The following STXBP5L variants were observed in gnomAD, a reference collection of about 807,000 sequenced individuals.
STXBP5L encodes syntaxin-binding protein 5-like.
In STXBP5L, 65 loss-of-function variants were observed where a neutral mutation model predicts 144.5. The observed-to-expected ratio is 0.45, with a 90% confidence interval of 0.37 to 0.55. STXBP5L has a LOEUF of 0.55. Ranked by LOEUF, STXBP5L falls within the 20% of genes least tolerant of loss-of-function variation. STXBP5L has a pLI of 0.00. For missense variants in STXBP5L, 1,298 were observed against 1,405.5 expected, an observed-to-expected ratio of 0.92 and a Z score of 1.22; for synonymous variants, 505 against 469.6, an observed-to-expected ratio of 1.08 and a Z score of -0.97.
intron 22 of STXBP5L, among the ~76,000 whole-genome samples, chr3:121,397,858 C>T (rs545559681): frequency 2.0e-5 from 3 of 152,338 alleles, no homozygotes; most frequent in South Asian, 2.1e-4. Flanking sequence ...GCTTTACCAA[C>T]TCCAACTATG....
chr3:120,977,516 T>G (rs932295004), intron 3 of STXBP5L, among the ~76,000 whole-genome samples: 3 of 152,224 alleles, frequency 2.0e-5, no homozygotes, highest in Non-Finnish European at 4.4e-5. Context: ...AGTCTGTGTC[T>G]TTTAATTGTA....
intron 3 of STXBP5L, among the ~76,000 whole-genome samples, chr3:120,980,171 G>A (rs954210053): frequency 6.6e-6 from 1 of 152,176 alleles, no homozygotes; most frequent in Non-Finnish European, 1.5e-5. Flanking sequence ...TTCATGTGCA[G>A]AACAGGAGAA....
rs552947634 is a variant in STXBP5L at position 121,032,830 on chromosome 3, A to C, written c.288-8870A>C. Among the ~76,000 whole-genome samples the C allele has an allele frequency of 1.7e-3, 104 of 62,012 alleles. 2 individuals carry two copies. The highest frequency in any genetic ancestry group is 3.7e-3 in the African/African-American group (57 of 15,242). 40.7% of individuals were successfully genotyped at this position (62,012 alleles called of 152,430 possible). On this transcript the variant is annotated intron_variant, in intron 3 of 26. Transcript: ENST00000471454. ...AAAAACACATGAAAAAATGCTCATCATCACTGGCCATCAGAGAAATGCAAA... is the reference window on the plus strand; with the variant it reads ...AAAAACACATGAAAAAATGCTCATCCTCACTGGCCATCAGAGAAATGCAAA...
In STXBP5L at chr3:121,107,430, A is replaced by G. The variant is rs111865742; in HGVS notation, c.471-7495A>G. On this transcript the variant is annotated intron_variant, in intron 5 of 26. Coordinates refer to ENST00000471454, the MANE Select transcript of STXBP5L (RefSeq NM_001308330.2). ...AAGGGATCCAGTTTCAATTTTCTGA[A>G]TGTGGCTTGCCAGTTCTCCCAGTGC... Among the ~76,000 whole-genome samples the G allele has an allele frequency of 1.2e-3, 182 of 152,262 alleles. 2 individuals are homozygous for G. The highest frequency in any genetic ancestry group is 2.5e-3 in the Admixed American group (38 of 15,296).
chr3:121,018,583 C>T (rs1477894888), intron 3 of STXBP5L, among the ~76,000 whole-genome samples: 1 of 148,520 alleles, frequency 6.7e-6, no homozygotes, highest in African/African-American at 2.5e-5. Flanking sequence ...AAAAATCAAC[C>T]CAAAATGGAT....
intron 3 of STXBP5L, among the ~76,000 whole-genome samples, chr3:120,966,056 C>T (rs1939530016): frequency 6.6e-6 from 1 of 152,128 alleles, no homozygotes; most frequent in Admixed American, 6.6e-5. Context: ...ACCCTTTCTT[C>T]CACTTGATCG....
At chr3:121,403,657 T>C (rs1274122189) in intron 22 of STXBP5L, among the ~76,000 whole-genome samples, 1 of 152,168 alleles carries the variant, frequency 6.6e-6, no homozygotes, top group African/African-American at 2.4e-5. Context: ...ATAATATGTG[T>C]GATAAATAAG....
chr3:121,350,149 G>A (rs2045210697), intron 20 of STXBP5L, among the ~76,000 whole-genome samples: 1 of 152,082 alleles, frequency 6.6e-6, no homozygotes, highest in Non-Finnish European at 1.5e-5. Context: ...TTTAGGGCAG[G>A]CCTGGTGGTG....
intron 3 of STXBP5L, among the ~76,000 whole-genome samples, chr3:121,008,267 A>G (rs924277352): frequency 6.6e-6 from 1 of 151,978 alleles, no homozygotes; most frequent in South Asian, 2.1e-4. Flanking sequence ...TTCCCAGTAT[A>G]ATAACTCATT....
At chr3:121,219,308 G>A (rs1432348888) in intron 10 of STXBP5L, among the ~76,000 whole-genome samples, 4 of 152,024 alleles carry the variant, frequency 2.6e-5, no homozygotes, top group Non-Finnish European at 4.4e-5. Context: ...ACTATTACAC[G>A]GCAGAAACTG....
intron 22 of STXBP5L, among the ~76,000 whole-genome samples, chr3:121,394,538 G>A (rs574068999): frequency 6.6e-6 from 1 of 150,964 alleles, no homozygotes; most frequent in Admixed American, 6.6e-5. Flanking sequence ...TGTTGGCTAT[G>A]AGTTTGTCAT....
rs546042438 is a variant in STXBP5L, at chr3:120,982,630, A to G, written c.287+27593A>G. Among the ~76,000 whole-genome samples, 10 of 152,270 alleles carry G rather than the reference A, an allele frequency of 6.6e-5. No individual in the cohort carries two copies. The East Asian group carries it at 9.7e-4, about 15-fold the overall frequency. On this transcript the variant is annotated intron_variant, in intron 3 of 26. Transcript: ENST00000471454. Reference sequence around the variant, plus strand: ...AAGTGGCTTTGGAGTAGAACCTCTTATCTCAGCTTTGTGGTGTTCCTGGCC... The same window carrying G: ...AAGTGGCTTTGGAGTAGAACCTCTTGTCTCAGCTTTGTGGTGTTCCTGGCC...
At chr3:121,034,157 A>G (rs1301418043) in intron 3 of STXBP5L, among the ~76,000 whole-genome samples, 1 of 152,230 alleles carries the variant, frequency 6.6e-6, no homozygotes, top group African/African-American at 2.4e-5. Context: ...ATTTATATAC[A>G]TTTAAGGGGT....
intron 3 of STXBP5L, among the ~76,000 whole-genome samples, chr3:120,972,024 T>G (rs753302773): frequency 2.6e-5 from 4 of 152,076 alleles, no homozygotes; most frequent in Non-Finnish European, 5.9e-5. Context: ...CTAGCTTTAT[T>G]CTTTTTGCTT....
At chr3:121,132,520 G>A (rs564570448) in intron 7 of STXBP5L, among the ~76,000 whole-genome samples, 32 of 152,294 alleles carry the variant, frequency 2.1e-4, no homozygotes, top group African/African-American at 7.0e-4. Flanking sequence ...AGGCCAATTG[G>A]TGGGGTACTT....
chr3:121,007,394 A>T (rs370949258), intron 3 of STXBP5L, among the ~76,000 whole-genome samples: 2 of 151,916 alleles, frequency 1.3e-5, no homozygotes, highest in African/African-American at 4.8e-5. Context: ...TTCTGGCCTC[A>T]AATTTAATTG....
chr3:121,173,350 AATG>A (rs757426540), intron 9 of STXBP5L, among the ~76,000 whole-genome samples: 5 of 142,336 alleles, frequency 3.5e-5, no homozygotes, highest in African/African-American at 1.0e-4. Flanking sequence ...TAATAATAAT[AATG>A]ATAATAGAAT....
intron 9 of STXBP5L, among the ~76,000 whole-genome samples, chr3:121,164,628 G>T (rs1054781686): frequency 1.3e-5 from 2 of 152,142 alleles, no homozygotes; most frequent in Non-Finnish European, 2.9e-5. Flanking sequence ...CCAAGATATG[G>T]AAACAGCCTA....
chr3:121,353,482 A>G (rs1457452825), intron 20 of STXBP5L, among the ~76,000 whole-genome samples: 4 of 152,148 alleles, frequency 2.6e-5, no homozygotes, highest in Non-Finnish European at 4.4e-5. Context: ...AGGTGTTTAT[A>G]GTATTCTCCA....
Sources: allele counts gnomAD v4.1 joint callset (sites outside exome capture counted in the v4.1 genomes callset), GRCh38; gene constraint gnomAD v4.1.1; transcripts MANE v1.5; gene names NCBI Gene and HGNC (gene_info 2026-07-23, HGNC 2026-07-21).